SLC16A10: variants seen among roughly 807,000 people sequenced by gnomAD.
SLC16A10 encodes monocarboxylate transporter 10.
SLC16A10 carries 27 observed loss-of-function variants against 40.0 expected under a neutral mutation model. That is an observed-to-expected ratio of 0.67 (90% CI 0.50 to 0.93). The LOEUF (loss-of-function observed/expected upper bound fraction) is 0.93. Among genes scored for constraint, SLC16A10 ranks in the 40% least tolerant of loss-of-function variants. The pLI is 0.00. For synonymous variants in SLC16A10, 213 were observed against 249.8 expected (o/e 0.85, Z 1.39); for missense variants, 529 against 658.2 (o/e 0.80, Z 2.15).
At chr6:111,144,551 TAAA>T (rs2114507172) in intron 1 of SLC16A10, among the ~76,000 whole-genome samples, 1 of 152,272 alleles carries the variant, frequency 6.6e-6, no homozygotes, top group South Asian at 2.1e-4. Context: ...AATGTAAAAA[TAAA>T]AAACAAATCA....
chr6:111,089,919 T>G (rs1275215576), intron 1 of SLC16A10, among the ~76,000 whole-genome samples: 2 of 102,430 alleles, frequency 2.0e-5, no homozygotes, highest in African/African-American at 4.3e-5. Context: ...TTTTTTTTTT[T>G]TTTTTTTTTT....
chr6:111,087,935 C>A lies in SLC16A10; in HGVS notation c.183C>A (p.Pro61=). The part of the protein sequence containing the change: ...AGPATAEPHE[P]PEPPEGGWGW... ...CGGCGACCGCGGAGCCCCATGAGCC[C>A]CCCGAACCCCCCGAGGGCGGCTGGG... Residue 61 remains proline, a synonymous_variant, in exon 1 of 6, where the codon CCC becomes CCA. Transcript: ENST00000368851. 1 of 1,606,320 alleles carries A rather than the reference C, an allele frequency of 6.2e-7. No individual in the cohort carries two copies. The highest frequency in any genetic ancestry group is 1.7e-4 in the Middle Eastern group (1 of 5,982).
At chr6:111,137,416 CA>C (rs917543846) in intron 1 of SLC16A10, among the ~76,000 whole-genome samples, 8 of 152,164 alleles carry the variant, frequency 5.3e-5, no homozygotes, top group African/African-American at 1.9e-4. Flanking sequence ...TGAAGTGTGC[CA>C]AAAAATAATC....
intron 2 of SLC16A10, chr6:111,173,379 T>C (rs1176093781): frequency 2.0e-5 from 3 of 152,644 alleles, no homozygotes; most frequent in African/African-American, 7.2e-5. Context: ...CAAAATGAAG[T>C]GGTCCAATGT....
intron 3 of SLC16A10, among the ~76,000 whole-genome samples, chr6:111,190,592 C>T (rs981069849): frequency 2.3e-4 from 35 of 152,394 alleles, no homozygotes; most frequent in African/African-American, 7.9e-4. Flanking sequence ...CATACATCCT[C>T]TGAAATCTAG....
chr6:111,200,118 C>T (rs1773145294), intron 3 of SLC16A10, among the ~76,000 whole-genome samples: 1 of 152,188 alleles, frequency 6.6e-6, no homozygotes, highest in Non-Finnish European at 1.5e-5. Context: ...ATGCCTCCTA[C>T]AGTCCTGTTA....
At position 111,169,919 on chromosome 6, in the gene SLC16A10, C is replaced by CTTTTTTT. The variant is rs60561269; in HGVS notation, c.344-2767_344-2761dup. 1.1e-4 allele frequency among the ~76,000 whole-genome samples: 15 copies of CTTTTTTT among 135,100 alleles called. 1 individual carries two copies. Among genetic ancestry groups the CTTTTTTT allele is most frequent in the Non-Finnish European group, 1.2e-4 (8 of 64,420 alleles). The allele number at this position is 135,100 out of a possible 152,430, so 88.6% of individuals were successfully genotyped here. ...GGTTTTGTTTTCTTTTCTTTTCTTTCTTTTTTTTTTTTTTTGAGACAGAAT... is the reference window on the plus strand; with the variant it reads ...GGTTTTGTTTTCTTTTCTTTTCTTTCTTTTTTTTTTTTTTTTTTTTTTGAGACAGAAT... On this transcript the variant is annotated intron_variant, in intron 1 of 5. Transcript: ENST00000368851.
chr6:111,213,303 T>C (rs1773373756), intron 4 of SLC16A10, among the ~76,000 whole-genome samples: 1 of 151,916 alleles, frequency 6.6e-6, no homozygotes, highest in Non-Finnish European at 1.5e-5. Context: ...TGGGCATGGG[T>C]TGAGAGTGAG....
At chr6:111,189,728 A>G (rs555726445) in intron 3 of SLC16A10, among the ~76,000 whole-genome samples, 176 of 152,272 alleles carry the variant, frequency 1.2e-3, no homozygotes, top group African/African-American at 4.0e-3. Flanking sequence ...TTATAAAACC[A>G]TCAGATCACA....
chr6:111,100,146 T>A (rs1399786930), intron 1 of SLC16A10, among the ~76,000 whole-genome samples: 1 of 152,194 alleles, frequency 6.6e-6, no homozygotes, highest in Non-Finnish European at 1.5e-5. Flanking sequence ...GATTTAAACT[T>A]TAGATTAGTC....
chr6:111,144,740 G>A (rs1242232324), intron 1 of SLC16A10, among the ~76,000 whole-genome samples: 4 of 152,184 alleles, frequency 2.6e-5, no homozygotes, highest in African/African-American at 9.7e-5. Context: ...GTTGGCACAG[G>A]TACATCCATA....
At chr6:111,193,896 G>A (rs957300039) in intron 3 of SLC16A10, among the ~76,000 whole-genome samples, 1 of 152,206 alleles carries the variant, frequency 6.6e-6, no homozygotes, top group Non-Finnish European at 1.5e-5. Flanking sequence ...GTATGGGAAA[G>A]GCTGGTGAAA....
chr6:111,139,129 T>C (rs1454560906), intron 1 of SLC16A10, among the ~76,000 whole-genome samples: 1 of 144,534 alleles, frequency 6.9e-6, no homozygotes, highest in Non-Finnish European at 1.5e-5. Context: ...ACAACCTATA[T>C]ACAGAATAGT....
At chr6:111,168,104 C>T (rs571804380) in intron 1 of SLC16A10, among the ~76,000 whole-genome samples, 8 of 151,980 alleles carry the variant, frequency 5.3e-5, no homozygotes, top group African/African-American at 1.2e-4. Context: ...CTCAGCCTCC[C>T]GAATAGCTGG....
chr6:111,102,896 A>C (rs561005665), intron 1 of SLC16A10, among the ~76,000 whole-genome samples: 30 of 152,004 alleles, frequency 2.0e-4, no homozygotes, highest in Non-Finnish European at 4.0e-4. Flanking sequence ...TTTTGTTTGC[A>C]TGTATTTATT....
In SLC16A10 at chr6:111,229,226, T is replaced by TA. The variant is rs771581484; in HGVS notation, c.*6992dup. The TA allele has an allele frequency of 6.6e-6, 1 of 152,188 alleles. No individual in the cohort carries two copies. The highest frequency in any genetic ancestry group is 1.5e-5 in the Non-Finnish European group (1 of 68,038). The allele number at this position is 152,188 out of a possible 1,614,324, so 9.4% of individuals were successfully genotyped here. ...AGAAAATGTATACAGCCAGCAACGT[T>TA]ATGCATGTTGCATGTTATATACATG... is the stretch of plus-strand genomic sequence containing the variant. On this transcript the variant is annotated 3_prime_UTR_variant, in exon 6 of 6. Coordinates refer to ENST00000368851, the MANE Select transcript of SLC16A10 (RefSeq NM_018593.5).
At chr6:111,125,238 T>C (rs1475354385) in intron 1 of SLC16A10, among the ~76,000 whole-genome samples, 1 of 152,198 alleles carries the variant, frequency 6.6e-6, no homozygotes, top group African/African-American at 2.4e-5. Context: ...AAAGCTCACA[T>C]TATCATTAAA....
rs1771068786 is a variant in SLC16A10, at chr6:111,229,536, A to G, written c.*7301A>G. 6.6e-6 allele frequency: 1 copy of G among 152,232 alleles called. No homozygotes were observed. The highest frequency in any genetic ancestry group is 1.5e-5 in the Non-Finnish European group (1 of 68,046). 9.4% of individuals were successfully genotyped at this position (152,232 alleles called of 1,614,324 possible). On this transcript the variant is annotated 3_prime_UTR_variant, in exon 6 of 6. Coordinates refer to ENST00000368851, the MANE Select transcript of SLC16A10 (RefSeq NM_018593.5). Reference sequence around the variant, plus strand: ...AGCTTCCTATTGAGCTGGCTTATGTAGACATTTGGACATTTGAAACTATTT... The same window carrying G: ...AGCTTCCTATTGAGCTGGCTTATGTGGACATTTGGACATTTGAAACTATTT...
chr6:111,103,795 G>A (rs1465095737), intron 1 of SLC16A10, among the ~76,000 whole-genome samples: 1 of 152,136 alleles, frequency 6.6e-6, no homozygotes, highest in Non-Finnish European at 1.5e-5. Flanking sequence ...AACAGAAGAG[G>A]GTATCCGAGG....
Sources: allele counts gnomAD v4.1 joint callset (sites outside exome capture counted in the v4.1 genomes callset), GRCh38; gene constraint gnomAD v4.1.1; transcripts MANE v1.5; gene names NCBI Gene and HGNC (gene_info 2026-07-23, HGNC 2026-07-21).